Variants in GALNT13 observed in about 807,000 individuals in gnomAD.
GALNT13 encodes UDP-GalNAc:polypeptide N-acetylgalactosaminyltransferase 13.
Under a neutral mutation model 64.2 loss-of-function variants are expected in GALNT13, and 28 were observed. The ratio of observed to expected loss-of-function variants is 0.44; its 90% CI spans 0.32 to 0.60. The LOEUF is 0.60. Ranked by LOEUF, GALNT13 falls within the 20% of genes least tolerant of loss-of-function variation. The pLI is 0.05. For synonymous variants in GALNT13, 214 were observed against 224.6 expected (o/e 0.95, Z 0.42); for missense variants, 577 against 669.8 (o/e 0.86, Z 1.53).
At chr2:154,362,906 C>T (rs926415590) in intron 9 of GALNT13, among the ~76,000 whole-genome samples, 2 of 152,098 alleles carry the variant, frequency 1.3e-5, no homozygotes, top group African/African-American at 2.4e-5. Flanking sequence ...AAAGTAATCA[C>T]GTGAGTTTTC....
At chr2:153,665,545 C>T in the GALNT13 span, among the ~76,000 whole-genome samples, 5 of 151,930 alleles carry the variant, frequency 3.3e-5, no homozygotes, top group African/African-American at 1.2e-4. Flanking sequence ...TATCTTATTA[C>T]TTAAATTACA....
the GALNT13 span, among the ~76,000 whole-genome samples, chr2:153,803,431 G>A: frequency 6.6e-6 from 1 of 152,146 alleles, no homozygotes; most frequent in Admixed American, 6.5e-5. Context: ...GGTGTCTTAT[G>A]CCTGTAATCC....
At chr2:153,966,219 C>CT (rs761961683) in intron 3 of GALNT13, among the ~76,000 whole-genome samples, 52,781 of 120,080 alleles carry the variant, frequency 0.44, 10,827 homozygotes, top group East Asian at 0.74. Context: ...GGTTGGATTT[C>CT]TTTTTTTTTT....
chr2:154,363,142 C>T (rs1033234399), intron 9 of GALNT13, among the ~76,000 whole-genome samples: 10 of 152,066 alleles, frequency 6.6e-5, no homozygotes, highest in Non-Finnish European at 1.3e-4. Flanking sequence ...GTTTTGCTAA[C>T]TTTTTCTCGC....
chr2:153,483,233 C>T, the GALNT13 span, among the ~76,000 whole-genome samples: 2 of 151,924 alleles, frequency 1.3e-5, no homozygotes, highest in African/African-American at 4.8e-5. Flanking sequence ...GTATATACCC[C>T]TCAACATTGA....
chr2:154,344,943 G>A (rs1412255025), intron 9 of GALNT13, among the ~76,000 whole-genome samples: 1 of 151,954 alleles, frequency 6.6e-6, no homozygotes, highest in Non-Finnish European at 1.5e-5. Context: ...CAAGCACTGT[G>A]TGGCTAAAAA....
chr2:153,323,137 C>T, the GALNT13 span, among the ~76,000 whole-genome samples: 1 of 152,166 alleles, frequency 6.6e-6, no homozygotes, highest in Non-Finnish European at 1.5e-5. Flanking sequence ...CACTCTATTT[C>T]TCCACATCCT....
the GALNT13 span, among the ~76,000 whole-genome samples, chr2:153,803,353 G>C: frequency 6.6e-6 from 1 of 152,092 alleles, no homozygotes; most frequent in Non-Finnish European, 1.5e-5. Flanking sequence ...CTTAAATGAG[G>C]TCAATAAGGG....
At chr2:154,116,341 C>T (rs959300691) in intron 3 of GALNT13, among the ~76,000 whole-genome samples, 1 of 152,154 alleles carries the variant, frequency 6.6e-6, no homozygotes, top group Non-Finnish European at 1.5e-5. Flanking sequence ...TGAGGCTGTG[C>T]ATGCACCTTT....
intron 4 of GALNT13, among the ~76,000 whole-genome samples, chr2:154,236,764 A>T (rs1460403341): frequency 6.6e-6 from 1 of 152,080 alleles, no homozygotes; most frequent in African/African-American, 2.4e-5. Context: ...ATGTTTACAT[A>T]AAAGAAAACA....
At chr2:153,973,608 G>A (rs1351874231) in intron 3 of GALNT13, among the ~76,000 whole-genome samples, 3 of 147,730 alleles carry the variant, frequency 2.0e-5, no homozygotes, top group East Asian at 2.0e-4. Flanking sequence ...TCTTTTTTTT[G>A]TGCCTTACTG....
At chr2:153,630,807 A>ATATATTTATTT in the GALNT13 span, among the ~76,000 whole-genome samples, 2 of 21,990 alleles carry the variant, frequency 9.1e-5, no homozygotes, top group Admixed American at 8.2e-4. Context: ...ATATATATAT[A>ATATATTTATTT]TTTTTTTTTT....
the GALNT13 span, among the ~76,000 whole-genome samples, chr2:153,744,470 T>C: frequency 6.6e-6 from 1 of 152,210 alleles, no homozygotes; most frequent in Non-Finnish European, 1.5e-5. Flanking sequence ...CCCATTTGTA[T>C]GTCTTCTTTT....
At chr2:154,323,984 T>A (rs72999321) in intron 9 of GALNT13, among the ~76,000 whole-genome samples, 6,791 of 152,148 alleles carry the variant, frequency 0.045, 216 homozygotes, top group African/African-American at 0.082. Flanking sequence ...AGATTCATTT[T>A]AAAAAATTTT....
the GALNT13 span, among the ~76,000 whole-genome samples, chr2:153,733,963 A>G: frequency 1.3e-5 from 2 of 152,064 alleles, no homozygotes; most frequent in Non-Finnish European, 2.9e-5. Context: ...TATTTCTTCA[A>G]TGTCTACATT....
At chr2:154,163,082 T>G (rs1684829792) in intron 4 of GALNT13, among the ~76,000 whole-genome samples, 2 of 151,542 alleles carry the variant, frequency 1.3e-5, no homozygotes, top group South Asian at 4.2e-4. Flanking sequence ...GTTGCACCCA[T>G]TAACTCTTTA....
intron 1 of GALNT13, among the ~76,000 whole-genome samples, chr2:153,884,539 A>G (rs1202296900): frequency 6.6e-6 from 1 of 151,734 alleles, no homozygotes; most frequent in Non-Finnish European, 1.5e-5. Flanking sequence ...GTACTACATT[A>G]TGGGGCTAAG....
intron 2 of GALNT13, among the ~76,000 whole-genome samples, chr2:153,913,794 C>T (rs1204337333): frequency 6.6e-6 from 1 of 152,028 alleles, no homozygotes; most frequent in African/African-American, 2.4e-5. Flanking sequence ...GCATCTGTGT[C>T]TTCCCTCCAT....
At chr2:154,368,899 G>T (rs1489095755) in intron 9 of GALNT13, among the ~76,000 whole-genome samples, 2 of 152,076 alleles carry the variant, frequency 1.3e-5, no homozygotes, top group Non-Finnish European at 2.9e-5. Context: ...TTCCTTCAAA[G>T]GTCAGATTTT....
Sources: allele counts gnomAD v4.1 joint callset (sites outside exome capture counted in the v4.1 genomes callset), GRCh38; gene constraint gnomAD v4.1.1; transcripts MANE v1.5; gene names NCBI Gene and HGNC (gene_info 2026-07-23, HGNC 2026-07-21).